The following ROS1 variants were observed in gnomAD, a reference collection of about 807,000 sequenced individuals.
ROS1 encodes proto-oncogene tyrosine-protein kinase ROS.
Under a neutral mutation model 273.5 loss-of-function variants are expected in ROS1, and 263 were observed. The ratio of observed to expected loss-of-function variants is 0.96; its 90% confidence interval spans 0.87 to 1.06. ROS1 has a LOEUF of 1.06. Ranked by LOEUF, ROS1 falls within the 50% of genes least tolerant of loss-of-function variation. ROS1 has a pLI of 0.00. For missense variants in ROS1, 2,833 were observed against 2,751.1 expected (o/e 1.03, Z -0.67); for synonymous variants, 1,008 against 954.1 (o/e 1.06, Z -1.04).
chr6:117,340,076 G>T (rs2128620298), intron 31 of ROS1, among the ~76,000 whole-genome samples: 1 of 152,220 alleles, frequency 6.6e-6, no homozygotes, highest in East Asian at 1.9e-4. Context: ...AGACTGAACT[G>T]CATTAAGTTT....
chr6:117,399,889 A>T (rs929152219), intron 7 of ROS1, among the ~76,000 whole-genome samples: 4 of 152,212 alleles, frequency 2.6e-5, no homozygotes, highest in Non-Finnish European at 5.9e-5. Context: ...AATCTATTCT[A>T]TGTGCAGTTG....
intron 39 of ROS1, among the ~76,000 whole-genome samples, chr6:117,312,365 T>G (rs1339773790): frequency 6.6e-6 from 1 of 152,106 alleles, no homozygotes; most frequent in East Asian, 1.9e-4. Flanking sequence ...AAACTAGGAA[T>G]AATCCTGATG....
intron 16 of ROS1, 36 bp from the exon 17 acceptor site, chr6:117,383,544 T>G: frequency 7.1e-7 from 1 of 1,416,550 alleles, no homozygotes; most frequent in Non-Finnish European, 1.0e-6. Context: ...TTAATGGCTT[T>G]CAAGTGACAT....
intron 7 of ROS1, among the ~76,000 whole-genome samples, chr6:117,399,606 G>A (rs1582851350): frequency 6.6e-6 from 1 of 152,162 alleles, no homozygotes; most frequent in East Asian, 1.9e-4. Flanking sequence ...ATCCAGCCTG[G>A]AGCATGTCTT....
In ROS1 at chr6:117,288,390, A is replaced by G; in HGVS notation, c.*102T>C. Reference sequence around the variant, plus strand: ...CAGGAACGTTGCATTGTTTATTTGGAGTTATAGACCACCATGACATTTATC... The same window carrying G: ...CAGGAACGTTGCATTGTTTATTTGGGGTTATAGACCACCATGACATTTATC... On this transcript the variant is annotated 3_prime_UTR_variant, in exon 44 of 44. Coordinates refer to ENST00000368507, the MANE Select transcript of ROS1 (RefSeq NM_001378902.1). The G allele has an allele frequency of 3.8e-6, 4 of 1,059,540 alleles. No individual in the cohort carries two copies. The highest frequency in any genetic ancestry group is 1.4e-6 in the Non-Finnish European group (1 of 727,262). The allele number at this position is 1,059,540 out of a possible 1,614,324, so 65.6% of individuals were successfully genotyped here. A position where few individuals can be genotyped will look rare whatever the true frequency, so the allele number is the denominator to read the frequency against.
intron 12 of ROS1, among the ~76,000 whole-genome samples, chr6:117,390,619 A>G (rs1332993591): frequency 6.6e-6 from 1 of 152,228 alleles, no homozygotes; most frequent in Non-Finnish European, 1.5e-5. Context: ...TTAATTGTAC[A>G]GTTATCATTT....
chr6:117,304,862 T>A (rs546154638), intron 42 of ROS1, among the ~76,000 whole-genome samples: 1 of 151,980 alleles, frequency 6.6e-6, no homozygotes, highest in South Asian at 2.1e-4. Context: ...GTGATAAGAG[T>A]TCTTATGAGA....
intron 23 of ROS1, 101 bp downstream of exon 23, chr6:117,360,241 G>C: frequency 1.1e-6 from 1 of 921,354 alleles, no homozygotes; most frequent in Non-Finnish European, 1.6e-6. Context: ...TTAGCAAAGA[G>C]ACAGTGTTCA....
At position 117,288,248 on chromosome 6, in the gene ROS1, C is replaced by T; in HGVS notation, c.*244G>A. ...GTGTTTCCCTTCCAGACTTCTGAGTCTTCCTAAGCTTTCCACATGCTTAGT... is the reference window on the plus strand; with the variant it reads ...GTGTTTCCCTTCCAGACTTCTGAGTTTTCCTAAGCTTTCCACATGCTTAGT... On this transcript the variant is annotated 3_prime_UTR_variant, in exon 44 of 44. Transcript: ENST00000368507. 2.0e-6 allele frequency: 1 copy of T among 508,910 alleles called. No homozygotes were observed. The highest frequency in any genetic ancestry group is 3.3e-5 in the East Asian group (1 of 30,140). 31.5% of individuals were successfully genotyped at this position (508,910 alleles called of 1,614,324 possible).
At position 117,389,359 on chromosome 6, in the gene ROS1, T is replaced by C; in HGVS notation, c.1777A>G (p.Ile593Val). ...LVQWKPPALAIGASPSAWQNW... is the reference protein window; with the variant it reads ...LVQWKPPALAVGASPSAWQNW... Reference sequence around the variant, plus strand: ...GGGACAGAGCACTCACTGGCTCCTATGGCAAGGGCAGGAGGCTTCCATTGA... The same window carrying C: ...GGGACAGAGCACTCACTGGCTCCTACGGCAAGGGCAGGAGGCTTCCATTGA... Residue 593 changes from isoleucine (I) to valine (V), a missense_variant, in exon 13 of 44, where the codon ATA becomes GTA. Physicochemically the swap from Ile to Val is conservative, Grantham distance 29 (BLOSUM62 3). Coordinates refer to ENST00000368507, the MANE Select transcript of ROS1 (RefSeq NM_001378902.1). The C allele has an allele frequency of 1.9e-6, 3 of 1,612,558 alleles. No individual in the cohort carries two copies. Among genetic ancestry groups the C allele is most frequent in the South Asian group, 1.1e-5 (1 of 90,878 alleles).
At chr6:117,403,364 G>C in intron 6 of ROS1, 87 bp from the exon 7 acceptor site, 1 of 1,299,658 alleles carries the variant, frequency 7.7e-7, no homozygotes, top group Non-Finnish European at 1.1e-6. Context: ...TGTAGAAGAT[G>C]GATGGCTCAA....
At chr6:117,332,125 A>G (rs1331327060) in intron 32 of ROS1, among the ~76,000 whole-genome samples, 2 of 152,074 alleles carry the variant, frequency 1.3e-5, no homozygotes, top group Non-Finnish European at 2.9e-5. Context: ...CACAGGCTCA[A>G]AATAAAGGGA....
chr6:117,412,183 C>A (rs532815709), intron 4 of ROS1, among the ~76,000 whole-genome samples: 2 of 151,946 alleles, frequency 1.3e-5, no homozygotes. Context: ...GCTGGTAGAC[C>A]TTTGTATTTT....
chr6:117,353,145 G>A lies in ROS1; in HGVS notation c.4148C>T (p.Thr1383Ile), dbSNP rs2128638276. The change falls in exon 27 of 44, where the codon ACT (threonine) becomes ATT (isoleucine). Residue 1383 changes from threonine (T) to isoleucine (I), a missense_variant. By Grantham distance (89) the Thr-to-Ile change is moderately conservative. Transcript: ENST00000368507. ...CCAGTATATAAGATCTCCATCCACA[G>A]TTAAGCTAACAAGGGTTTTTCCTGC... ...AMLGKTLVSL[T>I]VDGDLIYWII... The A allele has an allele frequency of 1.2e-6, 2 of 1,610,020 alleles. No homozygotes were observed. The highest frequency in any genetic ancestry group is 1.3e-5 in the African/African-American group (1 of 74,878).
chr6:117,359,527 T>G (rs1434760518), intron 24 of ROS1, among the ~76,000 whole-genome samples: 1 of 152,222 alleles, frequency 6.6e-6, no homozygotes, highest in African/African-American at 2.4e-5. Context: ...GGACTAATAC[T>G]AGACTGGGTT....
At chr6:117,325,602 G>A (rs999104828) in intron 34 of ROS1, among the ~76,000 whole-genome samples, 6 of 152,116 alleles carry the variant, frequency 3.9e-5, no homozygotes, top group Admixed American at 1.3e-4. Context: ...TCAGCAGTAT[G>A]CGTAAGTCAA....
intron 7 of ROS1, among the ~76,000 whole-genome samples, chr6:117,401,947 A>T (rs1426473573): frequency 1.3e-5 from 2 of 152,120 alleles, no homozygotes; most frequent in Non-Finnish European, 2.9e-5. Context: ...TCTATACCAC[A>T]CCACTACCAC....
rs777928809 is a variant in ROS1, at chr6:117,389,646, T to C, written c.1490A>G (p.His497Arg). 17 of 1,614,050 alleles carry C rather than the reference T, an allele frequency of 1.1e-5. No homozygotes were observed. The highest frequency in any genetic ancestry group is 8.3e-5 in the Admixed American group (5 of 60,008). Reference sequence around the variant, plus strand: ...AAAGGGGATGCGAGGTAGGATGAGATGGGAAGCAGAGCCATCCAGAAATGT... The same window carrying C: ...AAAGGGGATGCGAGGTAGGATGAGACGGGAAGCAGAGCCATCCAGAAATGT... The part of the protein sequence containing the change: ...MSTFLDGSAS[H>R]LILPRIPFAD... The change falls in exon 13 of 44, where the codon CAT becomes CGT. Residue 497 changes from histidine (H) to arginine (R), a missense_variant. Transcript: ENST00000368507.
chr6:117,420,283 G>T (rs12332810), intron 1 of ROS1, among the ~76,000 whole-genome samples: 27,040 of 151,282 alleles, frequency 0.18, 2,522 homozygotes, highest in Non-Finnish European at 0.21. Flanking sequence ...CTCCAACTAC[G>T]CCAATTATCT....
Sources: gnomAD v4.1 joint callset for allele counts (sites outside exome capture counted in the v4.1 genomes callset) on GRCh38, gnomAD v4.1.1 for gene constraint, MANE v1.5 for transcripts, NCBI Gene and HGNC (gene_info 2026-07-23, HGNC 2026-07-21) for gene names.